SYNGR1: variants seen among roughly 807,000 people sequenced by gnomAD.
SYNGR1 encodes the protein synaptogyrin-1.
A neutral mutation model predicts 26.1 loss-of-function variants in SYNGR1; 14 were observed. The ratio of observed to expected loss-of-function variants is 0.54; its 90% CI spans 0.35 to 0.84. SYNGR1 has a LOEUF of 0.84. Among genes scored for constraint, SYNGR1 ranks in the 40% least tolerant of loss-of-function variants. The probability of loss-of-function intolerance (pLI) is 0.01; values close to 1 mark genes in which losing one functional copy is unlikely to be tolerated. For synonymous variants in SYNGR1, 141 were observed against 150.1 expected (o/e 0.94, Z 0.44); for missense variants, 319 against 332.9 (o/e 0.96, Z 0.33).
rs539041257 is a variant in SYNGR1 at position 39,382,311 on chromosome 22, G to A, written c.*397G>A. 9.1e-6 allele frequency: 3 copies of A among 330,316 alleles called. No homozygotes were observed. The East Asian group carries it at 2.1e-4, about 23-fold the overall frequency. 20.5% of individuals were successfully genotyped at this position (330,316 alleles called of 1,614,324 possible). A position where few individuals can be genotyped will look rare whatever the true frequency, so the allele number is the denominator to read the frequency against. On this transcript the variant is annotated 3_prime_UTR_variant, in exon 4 of 4. Transcript: ENST00000328933. ...GGTGGTACCAGAGGCCAGAATGGTGGGAAAGACAGATCCAGATAATGCTGG... is the reference window on the plus strand; with the variant it reads ...GGTGGTACCAGAGGCCAGAATGGTGAGAAAGACAGATCCAGATAATGCTGG...
At chr22:39,351,865 A>G (rs1463951623) in intron 1 of SYNGR1, among the ~76,000 whole-genome samples, 1 of 152,204 alleles carries the variant, frequency 6.6e-6, no homozygotes, top group Non-Finnish European at 1.5e-5. Flanking sequence ...TGTGGAATCA[A>G]ATTTCATGGT....
At position 39,384,327 on chromosome 22, in the gene SYNGR1, C is replaced by G; in HGVS notation, c.*2413C>G. On this transcript the variant is annotated 3_prime_UTR_variant, in exon 4 of 4. Coordinates refer to ENST00000328933, the MANE Select transcript of SYNGR1 (RefSeq NM_004711.5). ...TTAACTCCATCTTGGGTGTTTGTGA[C>G]AGGCCCTGCCTGCCACCCTAGGCAG... is the stretch of plus-strand genomic sequence containing the variant. The G allele has an allele frequency of 2.5e-6, 1 of 394,714 alleles. No individual in the cohort carries two copies. Among genetic ancestry groups the G allele is most frequent in the East Asian group, 3.6e-5 (1 of 28,012 alleles). The allele number at this position is 394,714 out of a possible 1,614,324, so 24.5% of individuals were successfully genotyped here.
intron 1 of SYNGR1, among the ~76,000 whole-genome samples, chr22:39,364,829 C>T (rs1305167542): frequency 6.6e-6 from 1 of 152,048 alleles, no homozygotes; most frequent in African/African-American, 2.4e-5. Flanking sequence ...AATCCAGTAG[C>T]CAAGGATCCT....
intron 1 of SYNGR1, among the ~76,000 whole-genome samples, chr22:39,372,040 T>C (rs1925045896): frequency 6.6e-6 from 1 of 151,824 alleles, no homozygotes; most frequent in Non-Finnish European, 1.5e-5. Flanking sequence ...TGCCACTGCC[T>C]CAGGGTCTCT....
In SYNGR1 at chr22:39,381,955, C is replaced by G. The variant is rs1406328273; in HGVS notation, c.*41C>G. The G allele has an allele frequency of 6.4e-7, 1 of 1,552,662 alleles. No homozygotes were observed. Among genetic ancestry groups the G allele is most frequent in the South Asian group, 1.2e-5 (1 of 85,642 alleles). On this transcript the variant is annotated 3_prime_UTR_variant, in exon 4 of 4. Transcript: ENST00000328933. ...TGCCCCCGCCCCTCCCCATCTGTCCCCTCTCTCCACACCCAGCCCCTGCTC... is the reference window on the plus strand; with the variant it reads ...TGCCCCCGCCCCTCCCCATCTGTCCGCTCTCTCCACACCCAGCCCCTGCTC...
chr22:39,377,430 C>T, intron 3 of SYNGR1: 1 of 985,396 alleles, frequency 1.0e-6, no homozygotes. Context: ...ACCCAGCCTA[C>T]AGGGAGGAGT....
At chr22:39,355,262 A>G (rs1924093860) in intron 1 of SYNGR1, among the ~76,000 whole-genome samples, 1 of 152,098 alleles carries the variant, frequency 6.6e-6, no homozygotes, top group Admixed American at 6.5e-5. Flanking sequence ...GGTATTTCGG[A>G]AGCTCCTGTG....
intron 3 of SYNGR1, among the ~76,000 whole-genome samples, chr22:39,380,220 A>C (rs1925453817): frequency 6.6e-6 from 1 of 151,290 alleles, no homozygotes; most frequent in Admixed American, 6.6e-5. Context: ...TTGAATAGTC[A>C]GGGCTCTGCC....
chr22:39,352,481 GA>G (rs1165305668), intron 1 of SYNGR1, among the ~76,000 whole-genome samples: 1 of 152,204 alleles, frequency 6.6e-6, no homozygotes, highest in Non-Finnish European at 1.5e-5. Context: ...TACCACAACA[GA>G]AAAAGTTTGG....
intron 1 of SYNGR1, among the ~76,000 whole-genome samples, chr22:39,373,032 A>G (rs1925100541): frequency 6.6e-6 from 1 of 152,042 alleles, no homozygotes; most frequent in Non-Finnish European, 1.5e-5. Flanking sequence ...ACTTCTTGCC[A>G]TATCCTGTAG....
chr22:39,371,828 A>G (rs1446833521), intron 1 of SYNGR1, among the ~76,000 whole-genome samples: 1 of 152,136 alleles, frequency 6.6e-6, no homozygotes, highest in Non-Finnish European at 1.5e-5. Context: ...GTTTGAAGCC[A>G]GGTTCTGTCA....
chr22:39,363,932 A>G (rs1393411353), intron 1 of SYNGR1, among the ~76,000 whole-genome samples: 1 of 152,110 alleles, frequency 6.6e-6, no homozygotes, highest in Non-Finnish European at 1.5e-5. Flanking sequence ...TATCTGGGGA[A>G]AGCCAGCATT....
chr22:39,371,033 T>C (rs1010311954), intron 1 of SYNGR1, among the ~76,000 whole-genome samples: 1 of 152,256 alleles, frequency 6.6e-6, no homozygotes, highest in African/African-American at 2.4e-5. Flanking sequence ...ATATATCCTG[T>C]GCATTATAAA....
At chr22:39,380,926 T>C (rs1925479187) in intron 3 of SYNGR1, among the ~76,000 whole-genome samples, 1 of 152,076 alleles carries the variant, frequency 6.6e-6, no homozygotes, top group Admixed American at 6.6e-5. Flanking sequence ...TGGCCTCTCC[T>C]GCTTTCAAGA....
intron 2 of SYNGR1, 164 bp from the exon 3 acceptor site, chr22:39,375,888 C>T (rs760774492): frequency 1.1e-5 from 10 of 922,630 alleles, no homozygotes; most frequent in Non-Finnish European, 1.8e-5. Flanking sequence ...CTTGGCTCCC[C>T]TCTCTCTTCC....
At chr22:39,357,815 T>A (rs571214829) in intron 1 of SYNGR1, among the ~76,000 whole-genome samples, 1 of 152,240 alleles carries the variant, frequency 6.6e-6, no homozygotes, top group African/African-American at 2.4e-5. Flanking sequence ...GATTTCTCAC[T>A]GAGCCTTAGC....
At chr22:39,351,718 T>C (rs965985089) in intron 1 of SYNGR1, among the ~76,000 whole-genome samples, 11 of 152,358 alleles carry the variant, frequency 7.2e-5, no homozygotes, top group Non-Finnish European at 1.3e-4. Flanking sequence ...CAAAGCTTTA[T>C]TGAATCTGCT....
chr22:39,360,108 A>C (rs1249153883), intron 1 of SYNGR1, among the ~76,000 whole-genome samples: 1 of 151,968 alleles, frequency 6.6e-6, no homozygotes, highest in African/African-American at 2.4e-5. Context: ...AGGCATCTTC[A>C]CACCTGCCCC....
intron 3 of SYNGR1, chr22:39,377,835 C>T (rs991304374): frequency 4.8e-5 from 73 of 1,517,418 alleles, no homozygotes; most frequent in Middle Eastern, 1.9e-4. Flanking sequence ...AGGTTCTCCA[C>T]TGACTCATTC....
Sources: gnomAD v4.1 joint callset for allele counts (sites outside exome capture counted in the v4.1 genomes callset) on GRCh38, gnomAD v4.1.1 for gene constraint, MANE v1.5 for transcripts, NCBI Gene and HGNC (gene_info 2026-07-23, HGNC 2026-07-21) for gene names.